Variants in ARHGEF4 observed in about 807,000 individuals in gnomAD.
ARHGEF4 encodes APC-stimulated guanine nucleotide exchange factor 1.
ARHGEF4 carries 119 observed loss-of-function variants against 162.0 expected under a neutral mutation model. The ratio of observed to expected loss-of-function variants is 0.73; its 90% CI spans 0.63 to 0.86. ARHGEF4 has a LOEUF of 0.86. Among genes scored for constraint, ARHGEF4 ranks in the 40% least tolerant of loss-of-function variants. The pLI, the probability that ARHGEF4 is intolerant of heterozygous loss-of-function variation, is 0.00. For missense variants in ARHGEF4, 2,488 were observed against 2,456.0 expected (o/e 1.01, Z -0.28); for synonymous variants, 1,014 against 979.9 (o/e 1.03, Z -0.65).
At chr2:130,974,967 T>G (rs13010761) in intron 4 of ARHGEF4, among the ~76,000 whole-genome samples, 1 of 152,070 alleles carries the variant, frequency 6.6e-6, no homozygotes, top group Admixed American at 6.5e-5. Context: ...CATCAGTATA[T>G]TATTTGATAC....
At chr2:130,923,450 G>A (rs1329743926) in intron 2 of ARHGEF4, among the ~76,000 whole-genome samples, 1 of 152,108 alleles carries the variant, frequency 6.6e-6, no homozygotes, top group Non-Finnish European at 1.5e-5. Flanking sequence ...CTTAATCACT[G>A]TAGCTGTACA....
At chr2:130,969,614 A>G (rs893683747) in intron 4 of ARHGEF4, among the ~76,000 whole-genome samples, 2 of 152,082 alleles carry the variant, frequency 1.3e-5, no homozygotes, top group Non-Finnish European at 2.9e-5. Flanking sequence ...AAAAAAAATC[A>G]TATGTCAAAC....
At chr2:130,932,541 A>G (rs1015631018) in intron 3 of ARHGEF4, among the ~76,000 whole-genome samples, 2 of 152,194 alleles carry the variant, frequency 1.3e-5, no homozygotes, top group African/African-American at 4.8e-5. Context: ...ATGTAAGACC[A>G]TTATAAGATA....
intron 4 of ARHGEF4, among the ~76,000 whole-genome samples, chr2:131,003,082 G>A (rs1230538728): frequency 2.0e-5 from 3 of 152,152 alleles, no homozygotes; most frequent in African/African-American, 2.4e-5. Flanking sequence ...GGGAGGTCCC[G>A]CAGTGCCTCT....
At chr2:130,908,705 A>G (rs1346929860) in intron 1 of ARHGEF4, among the ~76,000 whole-genome samples, 1 of 152,164 alleles carries the variant, frequency 6.6e-6, no homozygotes, top group African/African-American at 2.4e-5. Context: ...TTTAAAAAAA[A>G]AAGTTTTACT....
At chr2:130,866,108 C>G (rs1682256896) in intron 1 of ARHGEF4, among the ~76,000 whole-genome samples, 1 of 152,144 alleles carries the variant, frequency 6.6e-6, no homozygotes, top group Non-Finnish European at 1.5e-5. Flanking sequence ...CAGTTGCTCA[C>G]ACCTGTAATC....
At chr2:131,040,710 C>A (rs1008599198) in intron 8 of ARHGEF4, among the ~76,000 whole-genome samples, 1 of 152,214 alleles carries the variant, frequency 6.6e-6, no homozygotes, top group African/African-American at 2.4e-5. Flanking sequence ...GATAGGAGGG[C>A]AGAGGCCTGC....
chr2:130,885,672 C>T (rs966976088), intron 1 of ARHGEF4, among the ~76,000 whole-genome samples: 5 of 148,182 alleles, frequency 3.4e-5, no homozygotes, highest in Admixed American at 6.9e-5. Context: ...TGGGTTCAAG[C>T]GATTCTCCTG....
At chr2:131,045,777 T>C in intron 13 of ARHGEF4, 2 of 1,426,926 alleles carry the variant, frequency 1.4e-6, no homozygotes, top group Non-Finnish European at 9.1e-7. Flanking sequence ...CAGAGAGCCA[T>C]GCCCCTGAAA....
chr2:130,914,529 G>A lies in ARHGEF4; in HGVS notation c.583G>A (p.Glu195Lys), dbSNP rs1263120118. 1.1e-5 allele frequency: 16 copies of A among 1,422,524 alleles called. No homozygotes were observed. The highest frequency in any genetic ancestry group is 3.2e-5 in the South Asian group (2 of 63,222). The allele number at this position is 1,422,524 out of a possible 1,614,324, so 88.1% of individuals were successfully genotyped here. The change falls in exon 2 of 14, where the codon GAG becomes AAG. Residue 195 changes from glutamate to lysine, a missense_variant. Coordinates refer to ENST00000409359, the MANE Select transcript of ARHGEF4 (RefSeq NM_001367493.1). ...LQRATDSSGP[E>K]PVQGVAVQDL... ...GAGGGCCACAGACAGCAGTGGTCCT[G>A]AGCCAGTACAGGGGGTGGCTGTTCA...
At chr2:130,989,855 T>C (rs1220732763) in intron 4 of ARHGEF4, among the ~76,000 whole-genome samples, 1 of 152,226 alleles carries the variant, frequency 6.6e-6, no homozygotes, top group African/African-American at 2.4e-5. Context: ...GCCTGAGTTT[T>C]CTCACCTCTA....
intron 1 of ARHGEF4, among the ~76,000 whole-genome samples, chr2:130,872,583 AT>A (rs1354087786): frequency 6.6e-6 from 1 of 152,086 alleles, no homozygotes; most frequent in Non-Finnish European, 1.5e-5. Context: ...ACAATCGCAA[AT>A]CTTACTGCTG....
In ARHGEF4 at chr2:130,954,731, T is replaced by C. The variant is rs572804618; in HGVS notation, c.3985+8096T>C. On this transcript the variant is annotated intron_variant, in intron 4 of 13. Coordinates refer to ENST00000409359, the MANE Select transcript of ARHGEF4 (RefSeq NM_001367493.1). The stretch of plus-strand genomic sequence containing the variant: ...GGATATTCCCCCTTGTCTTTTACTT[T>C]CAGCATTTTTACTATGATGTGTCTG... 3.7e-4 allele frequency among the ~76,000 whole-genome samples: 57 copies of C among 152,318 alleles called. 1 individual carries two copies. In the South Asian group the frequency reaches 0.012, roughly 31 times the overall value.
intron 1 of ARHGEF4, among the ~76,000 whole-genome samples, chr2:130,851,311 C>T (rs761176340): frequency 7.3e-4 from 111 of 152,348 alleles, no homozygotes; most frequent in Non-Finnish European, 1.4e-3. Flanking sequence ...AGGGTGCTGG[C>T]GCCAGCTCCG....
intron 1 of ARHGEF4, among the ~76,000 whole-genome samples, chr2:130,868,218 C>A (rs1021623788): frequency 6.6e-6 from 1 of 152,106 alleles, no homozygotes; most frequent in African/African-American, 2.4e-5. Flanking sequence ...AGCCACCACA[C>A]CCGGCCAAGG....
chr2:130,928,992 C>A (rs1682468539), intron 2 of ARHGEF4, among the ~76,000 whole-genome samples: 1 of 152,118 alleles, frequency 6.6e-6, no homozygotes, highest in Non-Finnish European at 1.5e-5. Flanking sequence ...ACACAAATTG[C>A]CAACCATTCC....
At chr2:130,969,824 C>T (rs902463702) in intron 4 of ARHGEF4, among the ~76,000 whole-genome samples, 11 of 152,150 alleles carry the variant, frequency 7.2e-5, no homozygotes, top group Admixed American at 5.9e-4. Context: ...TCCAGTGCCT[C>T]GCTGATCTAG....
intron 4 of ARHGEF4, among the ~76,000 whole-genome samples, chr2:130,947,426 C>T (rs552443448): frequency 6.6e-6 from 1 of 152,078 alleles, no homozygotes; most frequent in East Asian, 1.9e-4. Context: ...TCCTAGAGTC[C>T]CCCAGCTTGG....
rs1335258423 is a variant in ARHGEF4, at chr2:131,024,714, A to G, written c.3986-3231A>G. Among the ~76,000 whole-genome samples the G allele has an allele frequency of 7.2e-5, 11 of 152,228 alleles. No homozygotes were observed. The East Asian group carries it at 1.5e-3, about 21-fold the overall frequency. On this transcript the variant is annotated intron_variant, in intron 4 of 13. Coordinates refer to ENST00000409359, the MANE Select transcript of ARHGEF4 (RefSeq NM_001367493.1). ...TGGGATCCTTACGTTTCAGAAACAT[A>G]TGCTCTGGTGTTTACAGATGAAATT...
Sources: allele counts gnomAD v4.1 joint callset (sites outside exome capture counted in the v4.1 genomes callset), GRCh38; gene constraint gnomAD v4.1.1; transcripts MANE v1.5; gene names NCBI Gene and HGNC (gene_info 2026-07-23, HGNC 2026-07-21).